The following PGAP4 variants were observed in gnomAD, a reference collection of about 807,000 sequenced individuals.
PGAP4 encodes GPI-N-acetylgalactosamine transferase PGAP4.
PGAP4 carries 12 observed loss-of-function variants against 28.2 expected under a neutral mutation model. The observed-to-expected ratio is 0.42, with a 90% CI of 0.27 to 0.69. The LOEUF is 0.69. Ranked by LOEUF, PGAP4 falls within the 30% of genes least tolerant of loss-of-function variation. PGAP4 has a pLI of 0.22. For synonymous variants in PGAP4, 205 were observed against 211.8 expected (o/e 0.97, Z 0.28); for missense variants, 425 against 513.5 (o/e 0.83, Z 1.67).
intron 2 of PGAP4, among the ~76,000 whole-genome samples, chr9:101,517,096 A>G (rs1371737236): frequency 1.3e-5 from 2 of 152,248 alleles, no homozygotes; most frequent in South Asian, 2.1e-4. Flanking sequence ...TTATTTAACT[A>G]AATTGCAGTA....
chr9:101,519,668 C>T (rs1826971087), intron 2 of PGAP4, among the ~76,000 whole-genome samples: 1 of 150,276 alleles, frequency 6.7e-6, no homozygotes, highest in East Asian at 1.9e-4. Flanking sequence ...TATATATATA[C>T]ACACATACAT....
chr9:101,530,647 G>T (rs1389076837), intron 2 of PGAP4, among the ~76,000 whole-genome samples: 1 of 152,214 alleles, frequency 6.6e-6, no homozygotes, highest in Non-Finnish European at 1.5e-5. Flanking sequence ...TGCATTCAAT[G>T]AGAGAGATCT....
At chr9:101,494,338 AC>A (rs1411647718) in intron 2 of PGAP4, among the ~76,000 whole-genome samples, 5 of 151,954 alleles carry the variant, frequency 3.3e-5, no homozygotes, top group Middle Eastern at 3.2e-3. Flanking sequence ...TGGAGAATCA[AC>A]TAGGGAGAAA....
At chr9:101,531,581 C>T (rs1827090956) in intron 1 of PGAP4, 1 of 152,208 alleles carries the variant, frequency 6.6e-6, no homozygotes, top group South Asian at 2.1e-4. Context: ...AAATCTGCTT[C>T]AATTCTAGTA....
chr9:101,507,064 A>C (rs1826854332), intron 2 of PGAP4, among the ~76,000 whole-genome samples: 1 of 152,064 alleles, frequency 6.6e-6, no homozygotes, highest in Non-Finnish European at 1.5e-5. Context: ...AACAGTCAAT[A>C]TCTGTTTGCT....
chr9:101,492,017 C>T (rs912860119), upstream of PGAP4, among the ~76,000 whole-genome samples: 1 of 151,572 alleles, frequency 6.6e-6, no homozygotes, highest in Admixed American at 6.6e-5. Flanking sequence ...ACATCTTCTT[C>T]TGTACTGATT....
chr9:101,515,732 T>G (rs1826938827), intron 2 of PGAP4, among the ~76,000 whole-genome samples: 1 of 152,190 alleles, frequency 6.6e-6, no homozygotes, highest in Non-Finnish European at 1.5e-5. Context: ...TATTATGATT[T>G]AAATCTTAGA....
intron 2 of PGAP4, among the ~76,000 whole-genome samples, chr9:101,499,649 A>G (rs1464426288): frequency 6.6e-6 from 1 of 152,112 alleles, no homozygotes; most frequent in Non-Finnish European, 1.5e-5. Context: ...TATCTTTTGC[A>G]TAAGGTTGCA....
At chr9:101,532,136 G>A (rs1031026447) in intron 1 of PGAP4, among the ~76,000 whole-genome samples, 1 of 152,126 alleles carries the variant, frequency 6.6e-6, no homozygotes, top group Non-Finnish European at 1.5e-5. Flanking sequence ...CAGGTGTGGT[G>A]GCGTGTGCCT....
rs966972715 is a variant in PGAP4 at position 101,473,994 on chromosome 9, C to T, written c.*1887G>A. The stretch of plus-strand genomic sequence containing the variant: ...AACACATACTTATATCTGTTTGCTC[C>T]TCCAAACTAACATGACAATGTGTTT... On this transcript the variant is annotated 3_prime_UTR_variant, in exon 2 of 2. Coordinates refer to ENST00000374848, the MANE Select transcript of PGAP4 (RefSeq NM_032342.3). The T allele has an allele frequency of 2.0e-5, 3 of 152,174 alleles. No homozygotes were observed. The highest frequency in any genetic ancestry group is 4.4e-5 in the Non-Finnish European group (3 of 68,038). The allele number at this position is 152,174 out of a possible 1,614,324, so 9.4% of individuals were successfully genotyped here.
chr9:101,485,314 C>A (rs961459767), intron 1 of PGAP4, among the ~76,000 whole-genome samples: 5 of 152,032 alleles, frequency 3.3e-5, no homozygotes, highest in Non-Finnish European at 4.4e-5. Flanking sequence ...CAGTACAATG[C>A]ACCACTTAAA....
intron 2 of PGAP4, among the ~76,000 whole-genome samples, chr9:101,510,986 G>A (rs1826893162): frequency 6.6e-6 from 1 of 152,114 alleles, no homozygotes; most frequent in South Asian, 2.1e-4. Context: ...TGGTCTCTGT[G>A]CAGTCAAACC....
At chr9:101,519,132 A>G (rs923958995) in intron 2 of PGAP4, among the ~76,000 whole-genome samples, 4 of 151,460 alleles carry the variant, frequency 2.6e-5, no homozygotes, top group African/African-American at 9.7e-5. Context: ...TTGCCTATTC[A>G]TGTCCTTGGC....
rs1435207186 is a variant in PGAP4 at position 101,473,171 on chromosome 9, C to T, written c.*2710G>A. 1 of 152,152 alleles carries T rather than the reference C, an allele frequency of 6.6e-6. No homozygotes were observed. The highest frequency in any genetic ancestry group is 1.5e-5 in the Non-Finnish European group (1 of 68,022). The allele number at this position is 152,152 out of a possible 1,614,324, so 9.4% of individuals were successfully genotyped here. On this transcript the variant is annotated 3_prime_UTR_variant, in exon 2 of 2. Transcript: ENST00000374848. ...GAATGATAAAAGTCTTCTCAGAAAG[C>T]CTTAGCAAAATGGGTGCTTTTATTT...
At chr9:101,496,836 G>A (rs1038021794) in intron 2 of PGAP4, among the ~76,000 whole-genome samples, 2 of 150,266 alleles carry the variant, frequency 1.3e-5, no homozygotes, top group African/African-American at 4.8e-5. Context: ...GAATTTATTG[G>A]TTTGTTTTTA....
At chr9:101,531,875 CAAATT>C (rs1827093244) in intron 1 of PGAP4, among the ~76,000 whole-genome samples, 1 of 152,168 alleles carries the variant, frequency 6.6e-6, no homozygotes, top group Admixed American at 6.5e-5. Flanking sequence ...TGATGATACT[CAAATT>C]AAACTATACT....
intron 1 of PGAP4, chr9:101,480,743 T>C (rs900779632): frequency 6.6e-6 from 1 of 152,242 alleles, no homozygotes; most frequent in Non-Finnish European, 1.5e-5. Flanking sequence ...TCCAACCACA[T>C]GGAGTTATGT....
At chr9:101,519,219 G>A (rs1826965162) in intron 2 of PGAP4, among the ~76,000 whole-genome samples, 1 of 152,072 alleles carries the variant, frequency 6.6e-6, no homozygotes, top group Non-Finnish European at 1.5e-5. Context: ...GTGCAATGGT[G>A]CAATCTCCGC....
intron 2 of PGAP4, among the ~76,000 whole-genome samples, chr9:101,502,772 C>T (rs1826814854): frequency 6.6e-6 from 1 of 152,040 alleles, no homozygotes; most frequent in African/African-American, 2.4e-5. Flanking sequence ...GCCAGAAGAA[C>T]ATGAATCCTG....
Sources: allele counts gnomAD v4.1 joint callset (sites outside exome capture counted in the v4.1 genomes callset), GRCh38; gene constraint gnomAD v4.1.1; transcripts MANE v1.5; gene names NCBI Gene and HGNC (gene_info 2026-07-23, HGNC 2026-07-21).